Variants in RUSC2 observed in about 807,000 individuals in gnomAD.
RUSC2 encodes the protein AP-4 complex accessory subunit RUSC2.
A neutral mutation model predicts 122.2 loss-of-function variants in RUSC2; 34 were observed. The observed-to-expected ratio is 0.28, with a 90% CI of 0.21 to 0.37. RUSC2 has a LOEUF of 0.37. Ranked by LOEUF, RUSC2 falls within the 10% of genes least tolerant of loss-of-function variation. The probability of loss-of-function intolerance (pLI) is 1.00; values close to 1 mark genes in which losing one functional copy is unlikely to be tolerated. For synonymous variants in RUSC2, 784 were observed against 790.0 expected (o/e 0.99, Z 0.13); for missense variants, 1,747 against 1,952.4 (o/e 0.89, Z 1.98).
chr9:35,511,276 G>A (rs534340905), intron 1 of RUSC2, among the ~76,000 whole-genome samples: 79 of 152,294 alleles, frequency 5.2e-4, no homozygotes, highest in African/African-American at 1.9e-3. Flanking sequence ...AGGTTAAAGG[G>A]GGAGAAAAGG....
At chr9:35,561,144 A>AG in intron 11 of RUSC2, 37 bp from the exon 12 acceptor site, 2 of 1,613,176 alleles carry the variant, frequency 1.2e-6, no homozygotes, top group Non-Finnish European at 1.7e-6. Flanking sequence ...GGGGCTTTTG[A>AG]GGGGGTTTCT....
chr9:35,518,648 C>T (rs940433772), intron 1 of RUSC2, among the ~76,000 whole-genome samples: 21 of 152,158 alleles, frequency 1.4e-4, no homozygotes, highest in Admixed American at 6.5e-5. Flanking sequence ...CCTGGCCCAA[C>T]AAGATTTCTA....
chr9:35,529,045 A>G (rs913060849), intron 1 of RUSC2, among the ~76,000 whole-genome samples: 12 of 152,246 alleles, frequency 7.9e-5, no homozygotes, highest in African/African-American at 9.6e-5. Flanking sequence ...TAATGGTTCT[A>G]TTATATTCCG....
chr9:35,523,356 A>C lies in RUSC2; in HGVS notation c.-92-23074A>C, dbSNP rs76682166. On this transcript the variant is annotated intron_variant, in intron 1 of 11. Transcript: ENST00000361226. ...AATGTTAATTGCTTTGTTTTAACAA[A>C]TGTACCTTGATTACGTAAGATGGTA... Among the ~76,000 whole-genome samples, 138 of 152,384 alleles carry C rather than the reference A, an allele frequency of 9.1e-4. No individual in the cohort carries two copies. The East Asian group carries it at 0.022, about 24-fold the overall frequency.
At chr9:35,538,392 G>A (rs1196886971) in intron 1 of RUSC2, among the ~76,000 whole-genome samples, 1 of 152,026 alleles carries the variant, frequency 6.6e-6, no homozygotes, top group Admixed American at 6.5e-5. Context: ...GACTGAGTTC[G>A]AGTTACTGCT....
rs146210725 is a variant in RUSC2, at chr9:35,516,748, A to G, written c.-93+26576A>G. Among the ~76,000 whole-genome samples the G allele has an allele frequency of 6.7e-3, 1,020 of 152,316 alleles. 11 individuals are homozygous for G. Among genetic ancestry groups the G allele is most frequent in the African/African-American group, 0.023 (959 of 41,568 alleles). On this transcript the variant is annotated intron_variant, in intron 1 of 11. Transcript: ENST00000361226. ...CCAGGGTCAGAATTCTAAGATACAGACCTTGCATAGAGAGGCCTTTAAGGT... is the reference window on the plus strand; with the variant it reads ...CCAGGGTCAGAATTCTAAGATACAGGCCTTGCATAGAGAGGCCTTTAAGGT...
intron 1 of RUSC2, among the ~76,000 whole-genome samples, chr9:35,540,048 C>T (rs546184520): frequency 2.6e-5 from 4 of 152,116 alleles, no homozygotes; most frequent in African/African-American, 7.2e-5. Flanking sequence ...GGGGTTTTCC[C>T]GCCCAGAGTT....
chr9:35,500,460 A>G (rs1163394479), intron 1 of RUSC2, among the ~76,000 whole-genome samples: 1 of 152,238 alleles, frequency 6.6e-6, no homozygotes, highest in African/African-American at 2.4e-5. Context: ...GCCAGACCAT[A>G]TCACTTACTT....
At chr9:35,495,459 G>A (rs1172867687) in intron 1 of RUSC2, among the ~76,000 whole-genome samples, 1 of 150,874 alleles carries the variant, frequency 6.6e-6, no homozygotes, top group African/African-American at 2.4e-5. Context: ...TCACACCCTT[G>A]TCAAAACTCA....
intron 1 of RUSC2, among the ~76,000 whole-genome samples, chr9:35,538,381 G>A (rs918186069): frequency 6.6e-6 from 1 of 152,176 alleles, no homozygotes; most frequent in Non-Finnish European, 1.5e-5. Flanking sequence ...CCATCCACCA[G>A]GACTGAGTTC....
chr9:35,542,537 CAG>C (rs1352092161), intron 1 of RUSC2, among the ~76,000 whole-genome samples: 46 of 152,204 alleles, frequency 3.0e-4, no homozygotes, highest in Admixed American at 3.0e-3. Flanking sequence ...ATATATCTGA[CAG>C]AGGACTTGTA....
At chr9:35,552,625 A>G (rs943640306) in intron 2 of RUSC2, among the ~76,000 whole-genome samples, 1 of 152,228 alleles carries the variant, frequency 6.6e-6, no homozygotes, top group Non-Finnish European at 1.5e-5. Context: ...CTCCAGAAAG[A>G]AAGAGTGGAT....
chr9:35,526,637 G>A (rs1821330309), intron 1 of RUSC2, among the ~76,000 whole-genome samples: 1 of 152,120 alleles, frequency 6.6e-6, no homozygotes, highest in Non-Finnish European at 1.5e-5. Context: ...CTTGGTGTGG[G>A]GTACAGTGGC....
In RUSC2 at chr9:35,547,942, C is replaced by G. The variant is rs1821796928; in HGVS notation, c.1421C>G (p.Thr474Ser). The change falls in exon 2 of 12, where the codon ACT (threonine) becomes AGT (serine). Residue 474 changes from threonine to serine, a missense_variant. Transcript: ENST00000361226. The surrounding 1 kb of genome is among the most constrained non-coding windows in gnomAD (Gnocchi z 4.6). ...CAAGCAGCAGCTGCTGTGGGCCCCACTGTGCTTGAGGGACAAGTATACACG... is the reference window on the plus strand; with the variant it reads ...CAAGCAGCAGCTGCTGTGGGCCCCAGTGTGCTTGAGGGACAAGTATACACG... ...STQAAAAVGPTVLEGQVYTNT... is the reference protein window; with the variant it reads ...STQAAAAVGPSVLEGQVYTNT... 1 of 1,614,264 alleles carries G rather than the reference C, an allele frequency of 6.2e-7. No individual in the cohort carries two copies.
At chr9:35,554,765 T>C (rs1821971696) in intron 2 of RUSC2, among the ~76,000 whole-genome samples, 1 of 150,934 alleles carries the variant, frequency 6.6e-6, no homozygotes, top group South Asian at 2.1e-4. Flanking sequence ...TCTCAAGAAA[T>C]AAAGTGTAAG....
rs1821728224 is a variant in RUSC2 at position 35,545,625 on chromosome 9, G to A, written c.-92-805G>A. ...TTCAGGATGTCTGTATCCTGAGCTA[G>A]ACGCATGTTAAGAATGTATTATGCC... On this transcript the variant is annotated intron_variant, in intron 1 of 11. Coordinates refer to ENST00000361226, the MANE Select transcript of RUSC2 (RefSeq NM_014806.5). Among the ~76,000 whole-genome samples the A allele has an allele frequency of 5.3e-5, 8 of 152,230 alleles. No homozygotes were observed. The South Asian group carries it at 1.7e-3, about 32-fold the overall frequency.
At chr9:35,495,076 T>C (rs1189910162) in intron 1 of RUSC2, among the ~76,000 whole-genome samples, 1 of 7,924 alleles carries the variant, frequency 1.3e-4, no homozygotes, top group Non-Finnish European at 2.7e-4. Context: ...ATATATTATA[T>C]ATAGTATATA....
chr9:35,522,512 G>T (rs976572956), intron 1 of RUSC2, among the ~76,000 whole-genome samples: 2 of 152,148 alleles, frequency 1.3e-5, no homozygotes, highest in African/African-American at 4.8e-5. Flanking sequence ...TCTTTTTGCT[G>T]TTCTGGCCTC....
At chr9:35,517,682 G>A (rs1482425917) in intron 1 of RUSC2, among the ~76,000 whole-genome samples, 3 of 152,134 alleles carry the variant, frequency 2.0e-5, no homozygotes, top group Non-Finnish European at 2.9e-5. Flanking sequence ...GGGGATTATA[G>A]GCCTGAAAGA....
Sources: gnomAD v4.1 joint callset for allele counts (sites outside exome capture counted in the v4.1 genomes callset) on GRCh38, gnomAD v4.1.1 for gene constraint, Gnocchi (gnomAD v3.1) non-coding constraint, MANE v1.5 for transcripts, NCBI Gene and HGNC (gene_info 2026-07-23, HGNC 2026-07-21) for gene names.